The following MED15 variants were observed in gnomAD, a reference collection of about 807,000 sequenced individuals.
The protein encoded by MED15 is mediator of RNA polymerase II transcription subunit 15.
MED15 carries 41 observed loss-of-function variants against 118.7 expected under a neutral mutation model. That is an observed-to-expected ratio of 0.35 (90% CI 0.27 to 0.45). The LOEUF (loss-of-function observed/expected upper bound fraction) is 0.45, where lower values mean the gene tolerates loss of function less well. MED15 is among the 20% of genes least tolerant of loss of function. MED15 has a pLI of 1.00. For missense variants in MED15, 740 were observed against 1,025.5 expected (o/e 0.72, Z 3.80); for synonymous variants, 436 against 413.9 (o/e 1.05, Z -0.65).
intron 1 of MED15, among the ~76,000 whole-genome samples, chr22:20,518,626 G>A (rs1379812933): frequency 6.6e-6 from 1 of 152,154 alleles, no homozygotes; most frequent in Non-Finnish European, 1.5e-5. Flanking sequence ...TTCCTTGAGT[G>A]TGGGACCTGG....
chr22:20,584,209 T>C, intron 13 of MED15, 150 bp from the exon 14 acceptor site: 1 of 759,896 alleles, frequency 1.3e-6, no homozygotes. Context: ...GCTGCCTGCC[T>C]TCAACTCTGG....
In MED15 at chr22:20,563,611, G is replaced by A. The variant is rs2056323278; in HGVS notation, c.452-839G>A. Among the ~76,000 whole-genome samples the A allele has an allele frequency of 2.0e-5, 3 of 152,266 alleles. No homozygotes were observed. The South Asian group carries it at 6.2e-4, about 32-fold the overall frequency. On this transcript the variant is annotated intron_variant, in intron 5 of 17. Coordinates refer to ENST00000263205, the MANE Select transcript of MED15 (RefSeq NM_001003891.3). ...GGTGGTGACTGAACCCACCCAGGTG[G>A]TTAAATTGTCCAGAACTTAGTACAC...
chr22:20,583,515 G>C lies in MED15; in HGVS notation c.1736+122G>C, dbSNP rs926828198. ...CAGGCAGCTCTTTGGACCCTGGCCA[G>C]AGGCCTCCAAGGCTCCACTCTGGTG... On this transcript the variant is annotated intron_variant, in intron 13 of 17. Transcript: ENST00000263205. The C allele has an allele frequency of 3.1e-5, 37 of 1,198,596 alleles. No homozygotes were observed. In the African/African-American group the frequency reaches 5.3e-4, roughly 17 times the overall value. 74.2% of individuals were successfully genotyped at this position (1,198,596 alleles called of 1,614,324 possible). A position where few individuals can be genotyped will look rare whatever the true frequency, so the allele number is the denominator to read the frequency against.
At chr22:20,560,671 C>T (rs165672) in intron 5 of MED15, among the ~76,000 whole-genome samples, 30,013 of 152,120 alleles carry the variant, frequency 0.2, 3,020 homozygotes, top group South Asian at 0.25. Flanking sequence ...TGTGAGATTA[C>T]GGGCATGAGC....
In MED15 at chr22:20,564,610, G is replaced by GCAGCAGCAGCAGCAGCTC. The variant is rs780695975; in HGVS notation, c.629_646dup (p.Leu210_Gln215dup). 6.3e-7 allele frequency: 1 copy of GCAGCAGCAGCAGCAGCTC among 1,582,246 alleles called. No homozygotes were observed. On this transcript the variant is annotated inframe_insertion, in exon 6 of 18. Coordinates refer to ENST00000263205, the MANE Select transcript of MED15 (RefSeq NM_001003891.3). ...TGCAGCAGCAGTTCCAAGCAGTAGT[G>GCAGCAGCAGCAGCAGCTC]CAGCAGCAGCAGCAGCTCCAGCAGC... is the stretch of plus-strand genomic sequence containing the variant.
chr22:20,553,237 ACATAGTG>A, intron 4 of MED15, 63 bp downstream of exon 4: 2 of 1,511,402 alleles, frequency 1.3e-6, no homozygotes. Flanking sequence ...GGCAAGAATG[ACATAGTG>A]CATGCCTCAT....
intron 9 of MED15, 149 bp from the exon 10 acceptor site, chr22:20,582,460 CTG>C (rs954727475): frequency 8.0e-7 from 1 of 1,250,824 alleles, no homozygotes. Context: ...GGGAGTGTGC[CTG>C]TGTGTATGTC....
intron 2 of MED15, among the ~76,000 whole-genome samples, chr22:20,546,146 C>T (rs2055527140): frequency 6.6e-6 from 1 of 152,164 alleles, no homozygotes; most frequent in African/African-American, 2.4e-5. Context: ...CTTTTCTCCC[C>T]TCTGGCCCCT....
intron 1 of MED15, among the ~76,000 whole-genome samples, chr22:20,517,713 G>A (rs1055363725): frequency 1.1e-4 from 16 of 152,256 alleles, no homozygotes; most frequent in African/African-American, 2.4e-4. Context: ...CCAGTTTCCT[G>A]AGTACTGCTG....
At chr22:20,558,215 G>A (rs1458035977) in intron 5 of MED15, among the ~76,000 whole-genome samples, 1 of 152,176 alleles carries the variant, frequency 6.6e-6, no homozygotes, top group African/African-American at 2.4e-5. Context: ...TGGTCTCCCT[G>A]AAACTAGTAG....
chr22:20,573,724 G>A (rs1266581414), intron 8 of MED15: 3 of 152,008 alleles, frequency 2.0e-5, no homozygotes, highest in African/African-American at 7.3e-5. Context: ...GCGTTTTTTT[G>A]TTTGTTTTTC....
intron 1 of MED15, chr22:20,523,863 C>T: frequency 2.0e-6 from 2 of 984,078 alleles, no homozygotes; most frequent in Non-Finnish European, 2.4e-6. Context: ...CAGGTTAGTT[C>T]TTTCAATGAT....
chr22:20,552,187 A>G (rs991141939), intron 3 of MED15, among the ~76,000 whole-genome samples: 4 of 152,192 alleles, frequency 2.6e-5, no homozygotes, highest in South Asian at 4.1e-4. Flanking sequence ...TCAGCCAACA[A>G]TGGCTCCTGC....
Position 20,582,738 on chromosome 22 carries a change from C to G in MED15, c.1400C>G (p.Ser467Cys), listed in dbSNP as rs1555951682. 8 of 1,590,768 alleles carry G rather than the reference C, an allele frequency of 5.0e-6. No individual in the cohort carries two copies. Among genetic ancestry groups the G allele is most frequent in the Non-Finnish European group, 6.8e-6 (8 of 1,173,312 alleles). ...QPGQPSSQPNSNVSSGPAPSP... is the reference protein window; with the variant it reads ...QPGQPSSQPNCNVSSGPAPSP... ...GGCCAGCCCAGCTCACAGCCCAACT[C>G]CAACGTCAGGTAGGCCTGGCCTGGG... The change falls in exon 10 of 18, where the codon TCC (serine) becomes TGC (cysteine). Residue 467 changes from serine (S) to cysteine (C), a missense_variant. Ser to Cys is a moderately radical substitution (Grantham distance 112, BLOSUM62 -1). Transcript: ENST00000263205.
chr22:20,537,067 C>T (rs776279285), intron 1 of MED15, 50 bp from the exon 2 acceptor site: 49 of 1,549,622 alleles, frequency 3.2e-5, no homozygotes, highest in East Asian at 6.8e-5. Flanking sequence ...GGCCCTGCAG[C>T]GGTGGAGTCA....
At chr22:20,556,866 T>G (rs1388742507) in intron 5 of MED15, among the ~76,000 whole-genome samples, 1 of 152,198 alleles carries the variant, frequency 6.6e-6, no homozygotes, top group Non-Finnish European at 1.5e-5. Flanking sequence ...ATACCATATG[T>G]GACTTTTTGA....
rs151266134 is a variant in MED15, at chr22:20,582,915, G to A, written c.1485G>A (p.Ala495=). 1.4e-4 allele frequency: 218 copies of A among 1,613,648 alleles called. No homozygotes were observed. The East Asian group carries it at 2.3e-3, about 17-fold the overall frequency. The change falls in exon 11 of 18, where the codon GCG becomes GCA. Residue 495 remains alanine, a synonymous_variant. Transcript: ENST00000263205. The part of the protein sequence containing the change: ...SPQPSQSPVT[A]RTPQNFSVPS... ...AGCCCTCCCAGAGCCCAGTGACGGCGCGGACCCCACAGAACTTCAGTGTCC... is the reference window on the plus strand; with the variant it reads ...AGCCCTCCCAGAGCCCAGTGACGGCACGGACCCCACAGAACTTCAGTGTCC...
At position 20,555,109 on chromosome 22, in the gene MED15, C is replaced by T. The variant is rs1276723262; in HGVS notation, c.412C>T (p.Pro138Ser). Reference protein sequence around the residue: ...QPPPGTSGMAPHSMAVVSTAT... With the variant: ...QPPPGTSGMASHSMAVVSTAT... ...GCCTCCTGGGACCTCGGGGATGGCC[C>T]CTCACAGCATGGCTGTCGTGTCTAC... The change falls in exon 5 of 18, where the codon CCT (proline) becomes TCT (serine). Residue 138 changes from proline to serine, a missense_variant. Around this residue, in one of 7 missense-constraint regions of MED15, gnomAD observed 117 missense variants for 124.6 expected, o/e 0.94. Coordinates refer to ENST00000263205, the MANE Select transcript of MED15 (RefSeq NM_001003891.3). The T allele has an allele frequency of 1.9e-6, 3 of 1,610,090 alleles. No homozygotes were observed. The highest frequency in any genetic ancestry group is 1.3e-5 in the African/African-American group (1 of 74,868).
At chr22:20,584,451 G>A (rs780255193) in intron 14 of MED15, 26 bp downstream of exon 14, 8 of 1,611,268 alleles carry the variant, frequency 5.0e-6, no homozygotes, top group Middle Eastern at 3.3e-4. Context: ...GACACCCCTA[G>A]GGGAACCAGG....
Sources: allele counts gnomAD v4.1 joint callset (sites outside exome capture counted in the v4.1 genomes callset), GRCh38; gene constraint gnomAD v4.1.1; regional missense constraint gnomAD v4.1.1; transcripts MANE v1.5; gene names NCBI Gene and HGNC (gene_info 2026-07-23, HGNC 2026-07-21).